Variants in RAD51B observed in about 807,000 individuals in gnomAD.
RAD51B encodes DNA repair protein RAD51 homolog 2.
Under a neutral mutation model 42.2 loss-of-function variants are expected in RAD51B, and 38 were observed. The observed-to-expected ratio is 0.90, with a 90% CI of 0.70 to 1.18. RAD51B has a LOEUF of 1.18. Ranked by LOEUF, RAD51B falls within the 50% of genes most tolerant of loss-of-function variation. The pLI is 0.00. For missense variants in RAD51B, 373 were observed against 400.7 expected, an observed-to-expected ratio of 0.93 and a Z score of 0.59; for synonymous variants, 154 against 145.2, an observed-to-expected ratio of 1.06 and a Z score of -0.43.
chr14:67,886,120 C>T, intron 6 of RAD51B, 132 bp downstream of exon 6: 1 of 674,834 alleles, frequency 1.5e-6, no homozygotes, highest in Non-Finnish European at 2.3e-6. Context: ...CAGTGTTCTT[C>T]TTTGTTATAG....
intron 7 of RAD51B, among the ~76,000 whole-genome samples, chr14:68,229,792 G>T (rs1341258580): frequency 6.6e-6 from 1 of 152,182 alleles, no homozygotes; most frequent in African/African-American, 2.4e-5. Flanking sequence ...GCTCTAGTTT[G>T]GGATTCGTCA....
chr14:68,675,903 T>A (rs1449904173), intron 11 of RAD51B, among the ~76,000 whole-genome samples: 1 of 152,174 alleles, frequency 6.6e-6, no homozygotes, highest in East Asian at 1.9e-4. Context: ...ATCCCCTGCT[T>A]CTGTGAGCCT....
At position 68,166,990 on chromosome 14, in the gene RAD51B, C is replaced by T. The variant is rs926364087; in HGVS notation, c.757-124894C>T. Reference sequence around the variant, plus strand: ...AATTCGGCTTTTGCTCTTCTGTCACCGGGCAGCTGCAATTGTCTTCCTGCC... The same window carrying T: ...AATTCGGCTTTTGCTCTTCTGTCACTGGGCAGCTGCAATTGTCTTCCTGCC... On this transcript the variant is annotated intron_variant, in intron 7 of 10. Coordinates refer to ENST00000471583, the MANE Select transcript of RAD51B (RefSeq NM_133510.4). Among the ~76,000 whole-genome samples, 4 of 152,066 alleles carry T rather than the reference C, an allele frequency of 2.6e-5. No individual in the cohort carries two copies. The South Asian group carries it at 8.3e-4, about 32-fold the overall frequency.
At chr14:67,904,935 T>G (rs1463570531) in intron 7 of RAD51B, among the ~76,000 whole-genome samples, 4 of 67,086 alleles carry the variant, frequency 6.0e-5, no homozygotes, top group Admixed American at 1.3e-4. Flanking sequence ...TATTTGTCAG[T>G]TTTTTTTTTT....
chr14:68,518,555 C>CT (rs748677615), intron 10 of RAD51B, among the ~76,000 whole-genome samples: 2 of 43,696 alleles, frequency 4.6e-5, no homozygotes, highest in Non-Finnish European at 6.1e-5. Context: ...GTCATATGAG[C>CT]CCCCCCCCCA....
intron 4 of RAD51B, among the ~76,000 whole-genome samples, chr14:67,853,074 C>T (rs143252547): frequency 5.3e-5 from 8 of 152,134 alleles, no homozygotes; most frequent in Non-Finnish European, 1.5e-5. Flanking sequence ...GCCATTGCTG[C>T]CTTGAAGGTG....
At chr14:68,101,799 C>T (rs2077294758) in intron 7 of RAD51B, among the ~76,000 whole-genome samples, 2 of 152,224 alleles carry the variant, frequency 1.3e-5, no homozygotes, top group Non-Finnish European at 2.9e-5. Flanking sequence ...CACAGCTCCA[C>T]CAGGCAGTGC....
intron 8 of RAD51B, among the ~76,000 whole-genome samples, chr14:68,376,808 G>A (rs1320764350): frequency 1.3e-5 from 2 of 152,146 alleles, no homozygotes; most frequent in African/African-American, 4.8e-5. Context: ...GTAAGAACAT[G>A]TTTTTTTGTA....
chr14:67,849,396 C>T (rs1420760277), intron 4 of RAD51B, among the ~76,000 whole-genome samples: 1 of 152,180 alleles, frequency 6.6e-6, no homozygotes, highest in African/African-American at 2.4e-5. Flanking sequence ...ATTCTCCTGC[C>T]TCAGCCTCCC....
chr14:68,356,248 G>A (rs2082895460), intron 8 of RAD51B, among the ~76,000 whole-genome samples: 10 of 152,060 alleles, frequency 6.6e-5, no homozygotes, highest in Admixed American at 4.6e-4. Flanking sequence ...CTGGCTAACA[G>A]GGTGAAACCC....
chr14:68,594,119 C>T (rs529152932), intron 10 of RAD51B, among the ~76,000 whole-genome samples: 3 of 149,780 alleles, frequency 2.0e-5, no homozygotes, highest in East Asian at 3.9e-4. Context: ...GATTCCCCCA[C>T]CCCCCGTGCT....
intron 10 of RAD51B, among the ~76,000 whole-genome samples, chr14:68,537,989 G>A (rs906807087): frequency 1.3e-5 from 2 of 152,114 alleles, no homozygotes; most frequent in Admixed American, 1.3e-4. Context: ...CTTCATTTCT[G>A]GGTGTTTATT....
At chr14:67,888,830 A>G (rs770314428) in intron 7 of RAD51B, among the ~76,000 whole-genome samples, 49 of 152,186 alleles carry the variant, frequency 3.2e-4, no homozygotes, top group Non-Finnish European at 6.2e-4. Context: ...TCCGTGGATT[A>G]TGGTATCTGC....
chr14:67,909,711 C>T (rs961816582), intron 7 of RAD51B, among the ~76,000 whole-genome samples: 1 of 152,168 alleles, frequency 6.6e-6, no homozygotes, highest in African/African-American at 2.4e-5. Context: ...GAGAGAGGGT[C>T]TCTGTTGCAC....
At chr14:68,328,715 A>G (rs1221619783) in intron 8 of RAD51B, among the ~76,000 whole-genome samples, 1 of 152,220 alleles carries the variant, frequency 6.6e-6, no homozygotes, top group Non-Finnish European at 1.5e-5. Flanking sequence ...TGAATATGTA[A>G]CCGAAGCTGA....
At chr14:68,354,652 T>C (rs1004761926) in intron 8 of RAD51B, among the ~76,000 whole-genome samples, 2 of 152,168 alleles carry the variant, frequency 1.3e-5, no homozygotes, top group Admixed American at 6.5e-5. Context: ...GAGGATCACT[T>C]GAGTCTGGGA....
chr14:67,847,237 G>A (rs1258865156), intron 4 of RAD51B, among the ~76,000 whole-genome samples: 1 of 151,818 alleles, frequency 6.6e-6, no homozygotes, highest in African/African-American at 2.4e-5. Flanking sequence ...TGTTCCTCCT[G>A]GCTGCGTCTA....
chr14:68,260,093 G>A (rs2080846596), intron 7 of RAD51B, among the ~76,000 whole-genome samples: 1 of 152,086 alleles, frequency 6.6e-6, no homozygotes, highest in Admixed American at 6.5e-5. Flanking sequence ...GAGACTGGCT[G>A]CTATAAAATG....
intron 9 of RAD51B, among the ~76,000 whole-genome samples, chr14:68,416,417 A>C (rs534263216): frequency 7.8e-4 from 119 of 152,274 alleles, no homozygotes; most frequent in Non-Finnish European, 1.2e-3. Flanking sequence ...AACTGAATTT[A>C]TCTGCATACC....
Sources: gnomAD v4.1 joint callset for allele counts (sites outside exome capture counted in the v4.1 genomes callset) on GRCh38, gnomAD v4.1.1 for gene constraint, MANE v1.5 for transcripts, NCBI Gene and HGNC (gene_info 2026-07-23, HGNC 2026-07-21) for gene names.